Variants in DOCK1 observed in about 807,000 individuals in gnomAD.
DOCK1 encodes the protein dedicator of cytokinesis 1.
A neutral mutation model predicts 262.7 loss-of-function variants in DOCK1; 138 were observed. That is an observed-to-expected ratio of 0.53 (90% CI 0.46 to 0.61). DOCK1 has a LOEUF of 0.61. Among genes scored for constraint, DOCK1 ranks in the 20% least tolerant of loss-of-function variants. The pLI, the probability that DOCK1 is intolerant of heterozygous loss-of-function variation, is 0.00. For synonymous variants in DOCK1, 866 were observed against 867.4 expected, an observed-to-expected ratio of 1.00 and a Z score of 0.03; for missense variants, 1,908 against 2,370.7, an observed-to-expected ratio of 0.80 and a Z score of 4.05.
At chr10:127,432,924 C>T (rs566160702) in intron 47 of DOCK1, among the ~76,000 whole-genome samples, 2 of 152,132 alleles carry the variant, frequency 1.3e-5, no homozygotes, top group African/African-American at 2.4e-5. Flanking sequence ...ATCTAAAGAT[C>T]GAAAGACTCT....
At chr10:127,070,595 G>A (rs2135921292) in intron 23 of DOCK1, among the ~76,000 whole-genome samples, 1 of 151,954 alleles carries the variant, frequency 6.6e-6, no homozygotes, top group African/African-American at 2.4e-5. Flanking sequence ...CACGGTAGAC[G>A]TCATCGTGGA....
intron 27 of DOCK1, among the ~76,000 whole-genome samples, chr10:127,167,946 A>C (rs2054231085): frequency 6.6e-6 from 1 of 152,210 alleles, no homozygotes; most frequent in South Asian, 2.1e-4. Flanking sequence ...TAGCAAAGTA[A>C]CCTCAAAGGT....
At chr10:127,081,975 G>C (rs904336426) in intron 23 of DOCK1, among the ~76,000 whole-genome samples, 1 of 152,114 alleles carries the variant, frequency 6.6e-6, no homozygotes, top group Non-Finnish European at 1.5e-5. Flanking sequence ...TTCTTCACGC[G>C]AAAGCAGCTG....
intron 29 of DOCK1, among the ~76,000 whole-genome samples, chr10:127,279,856 C>T (rs1279769463): frequency 1.3e-5 from 2 of 151,944 alleles, no homozygotes; most frequent in Admixed American, 6.6e-5. Context: ...TGTTTTATTC[C>T]ATCATCTCTC....
At chr10:127,265,917 G>T (rs2060336468) in intron 29 of DOCK1, among the ~76,000 whole-genome samples, 1 of 152,222 alleles carries the variant, frequency 6.6e-6, no homozygotes. Flanking sequence ...AATTTGCAGG[G>T]TAGGCTGTTT....
intron 1 of DOCK1, among the ~76,000 whole-genome samples, chr10:126,961,777 GGCTGTTGTGAATAAT>G (rs1363825212): frequency 6.6e-6 from 1 of 152,098 alleles, no homozygotes; most frequent in Non-Finnish European, 1.5e-5. Context: ...TCCACTTTTT[GGCTGTTGTGAATAAT>G]GCTGCTGTGA....
At chr10:127,379,193 T>G (rs1266164745) in intron 35 of DOCK1, among the ~76,000 whole-genome samples, 1 of 152,212 alleles carries the variant, frequency 6.6e-6, no homozygotes, top group African/African-American at 2.4e-5. Flanking sequence ...GGCTCCTGTG[T>G]GAAAAAGATT....
chr10:127,071,595 T>A (rs531205340), intron 23 of DOCK1, among the ~76,000 whole-genome samples: 38 of 152,350 alleles, frequency 2.5e-4, no homozygotes, highest in African/African-American at 9.1e-4. Flanking sequence ...CTGATTTTTT[T>A]ATCATTTTAT....
intron 46 of DOCK1, among the ~76,000 whole-genome samples, 199 bp from the exon 47 acceptor site, chr10:127,425,675 A>G (rs945831395): frequency 6.6e-6 from 1 of 152,154 alleles, no homozygotes; most frequent in Admixed American, 6.5e-5. Context: ...CACTGGACAT[A>G]GTCAATTCAG....
At chr10:127,037,846 GTCTT>G in intron 19 of DOCK1, 30 bp downstream of exon 19, 3 of 1,401,382 alleles carry the variant, frequency 2.1e-6, no homozygotes, top group South Asian at 1.4e-5. Context: ...GACTTTTTGG[GTCTT>G]TTTTTTTTTT....
intron 27 of DOCK1, among the ~76,000 whole-genome samples, chr10:127,214,559 A>AT (rs1491230855): frequency 2.0e-5 from 3 of 152,220 alleles, no homozygotes; most frequent in African/African-American, 4.8e-5. Context: ...TGTTGTAGGA[A>AT]TAGATGGCAG....
At chr10:127,201,054 A>G (rs1018861173) in intron 27 of DOCK1, among the ~76,000 whole-genome samples, 2 of 152,228 alleles carry the variant, frequency 1.3e-5, no homozygotes, top group African/African-American at 4.8e-5. Context: ...CTACGAGGGA[A>G]AAGTAACTCA....
rs896911174 is a variant in DOCK1, at chr10:127,000,264, C to G, written c.942C>G (p.Thr314=). 5 of 1,613,914 alleles carry G rather than the reference C, an allele frequency of 3.1e-6. No homozygotes were observed. The African/African-American group carries it at 6.7e-5, about 22-fold the overall frequency. ...VGRMELRDNN[T]RKLTSGLRRP... is the part of the protein sequence containing the mutation. Reference sequence around the variant, plus strand: ...GCATGGAGCTGAGGGACAACAACACCAGGAAACTGACCTCGGGGTTGCGGC... The same window carrying G: ...GCATGGAGCTGAGGGACAACAACACGAGGAAACTGACCTCGGGGTTGCGGC... Residue 314 remains threonine (T), a synonymous_variant, in exon 10 of 52, where the codon ACC becomes ACG. Coordinates refer to ENST00000623213, the MANE Select transcript of DOCK1 (RefSeq NM_001290223.2).
intron 29 of DOCK1, among the ~76,000 whole-genome samples, chr10:127,273,945 T>C (rs1258093638): frequency 1.3e-5 from 2 of 152,080 alleles, no homozygotes; most frequent in African/African-American, 2.4e-5. Flanking sequence ...AGCAAGCTGA[T>C]TAATTGATAG....
rs144403398 is a variant in DOCK1, at chr10:127,193,368, G to A, written c.2848-54640G>A. Among the ~76,000 whole-genome samples the A allele has an allele frequency of 4.7e-3, 721 of 152,280 alleles. 6 individuals carry two copies. Among genetic ancestry groups the A allele is most frequent in the African/African-American group, 0.016 (679 of 41,558 alleles). ...TGAGCTTCTTGGATGCTATGGACGC[G>A]TTGAACAGCATCCTTCACAAGCGTT... On this transcript the variant is annotated intron_variant, in intron 27 of 51. Coordinates refer to ENST00000623213, the MANE Select transcript of DOCK1 (RefSeq NM_001290223.2).
At chr10:127,219,816 T>C (rs1319394566) in intron 27 of DOCK1, among the ~76,000 whole-genome samples, 2 of 152,054 alleles carry the variant, frequency 1.3e-5, no homozygotes, top group Non-Finnish European at 2.9e-5. Flanking sequence ...CTACACTCTA[T>C]CCCATCCCCG....
Position 127,439,078 on chromosome 10 carries a change from C to T in DOCK1, c.5112C>T (p.Asp1704=). Residue 1704 remains aspartate, a synonymous_variant, in exon 49 of 52, where the codon GAC becomes GAT. Coordinates refer to ENST00000623213, the MANE Select transcript of DOCK1 (RefSeq NM_001290223.2). ...LPKKMHSRSQ[D]KLDKDDLEKE... ...AGAAAATGCACTCCAGGTCCCAGGACAAGCTGGACAAGGATGACCTGGAGA... is the reference window on the plus strand; with the variant it reads ...AGAAAATGCACTCCAGGTCCCAGGATAAGCTGGACAAGGATGACCTGGAGA... The T allele has an allele frequency of 6.4e-7, 1 of 1,559,250 alleles. No homozygotes were observed. The highest frequency in any genetic ancestry group is 8.7e-7 in the Non-Finnish European group (1 of 1,151,294).
chr10:127,414,270 T>C (rs2068031344), intron 43 of DOCK1, among the ~76,000 whole-genome samples: 1 of 152,138 alleles, frequency 6.6e-6, no homozygotes, highest in Non-Finnish European at 1.5e-5. Context: ...TAGATTCCTG[T>C]TGACACTCAG....
chr10:127,442,300 T>C (rs1240258185), intron 49 of DOCK1, among the ~76,000 whole-genome samples: 2 of 152,144 alleles, frequency 1.3e-5, no homozygotes, highest in Non-Finnish European at 2.9e-5. Flanking sequence ...TGTGCTCTGT[T>C]GCTCACCCAA....
Sources: gnomAD v4.1 joint callset for allele counts (sites outside exome capture counted in the v4.1 genomes callset) on GRCh38, gnomAD v4.1.1 for gene constraint, MANE v1.5 for transcripts, NCBI Gene and HGNC (gene_info 2026-07-23, HGNC 2026-07-21) for gene names.